DPP10: variants seen among roughly 807,000 people sequenced by gnomAD.
DPP10 encodes the protein inactive dipeptidyl peptidase 10.
A neutral mutation model predicts 120.9 loss-of-function variants in DPP10; 33 were observed. That is an observed-to-expected ratio of 0.27 (90% CI 0.21 to 0.37). The LOEUF (loss-of-function observed/expected upper bound fraction) is 0.37, where lower values mean the gene tolerates loss of function less well. Ranked by LOEUF, DPP10 falls within the 10% of genes least tolerant of loss-of-function variation. The pLI is 1.00. For missense variants in DPP10, 816 were observed against 942.8 expected (o/e 0.87, Z 1.76); for synonymous variants, 337 against 326.1 (o/e 1.03, Z -0.36).
chr2:115,789,024 A>G (rs1683652620), intron 17 of DPP10, among the ~76,000 whole-genome samples: 1 of 152,126 alleles, frequency 6.6e-6, no homozygotes, highest in African/African-American at 2.4e-5. Flanking sequence ...AGGCTGAGGC[A>G]GGAGAATGGC....
intron 2 of DPP10, among the ~76,000 whole-genome samples, chr2:115,336,563 C>A (rs573952596): frequency 2.6e-3 from 311 of 121,262 alleles, no homozygotes; most frequent in Non-Finnish European, 4.7e-3. Flanking sequence ...TGTGTACTCT[C>A]TCTCTCTCTC....
rs530009962 is a variant in DPP10, at chr2:114,997,781, G to T, written c.61-311458G>T. Reference sequence around the variant, plus strand: ...AGGGAAAGTGATATACTGGCTGAGTGTCCTTTATGCAAAACCCTTAGGACC... The same window carrying T: ...AGGGAAAGTGATATACTGGCTGAGTTTCCTTTATGCAAAACCCTTAGGACC... On this transcript the variant is annotated intron_variant, in intron 1 of 25. Coordinates refer to ENST00000410059, the MANE Select transcript of DPP10 (RefSeq NM_020868.6). Among the ~76,000 whole-genome samples, 58 of 152,272 alleles carry T rather than the reference G, an allele frequency of 3.8e-4. No individual in the cohort carries two copies. The South Asian group carries it at 1.0e-2, about 26-fold the overall frequency.
At chr2:115,124,327 C>T (rs532017073) in intron 1 of DPP10, among the ~76,000 whole-genome samples, 31 of 152,288 alleles carry the variant, frequency 2.0e-4, no homozygotes, top group Non-Finnish European at 3.8e-4. Flanking sequence ...CATAGCTCCA[C>T]GTGAGCATTC....
At chr2:114,608,234 A>T (rs1692981788) in intron 1 of DPP10, among the ~76,000 whole-genome samples, 1 of 132,486 alleles carries the variant, frequency 7.5e-6, no homozygotes, top group Admixed American at 8.1e-5. Flanking sequence ...GACTAACAGA[A>T]GATAACCAGG....
intron 4 of DPP10, among the ~76,000 whole-genome samples, chr2:115,521,639 CCTG>C (rs1336349366): frequency 6.6e-6 from 1 of 151,022 alleles, no homozygotes; most frequent in Non-Finnish European, 1.5e-5. Context: ...CACAATCTCC[CCTG>C]TACATGTCCC....
intron 1 of DPP10, among the ~76,000 whole-genome samples, chr2:115,257,375 T>C (rs1215680688): frequency 6.6e-6 from 1 of 152,148 alleles, no homozygotes; most frequent in African/African-American, 2.4e-5. Context: ...GCAGGTTGTA[T>C]AGGAGGCATG....
Position 115,129,090 on chromosome 2 carries a change from C to T in DPP10, c.61-180149C>T, listed in dbSNP as rs943899249. Among the ~76,000 whole-genome samples, 3 of 152,306 alleles carry T rather than the reference C, an allele frequency of 2.0e-5. No homozygotes were observed. In the East Asian group the frequency reaches 5.8e-4, roughly 29 times the overall value. ...TCTTCATGACACTCGGTCCTTGCTT[C>T]TCCTCTTCTGTCTGGACCAAATGAT... On this transcript the variant is annotated intron_variant, in intron 1 of 25. Transcript: ENST00000410059.
chr2:114,598,795 A>G (rs893021358), intron 1 of DPP10, among the ~76,000 whole-genome samples: 1 of 151,918 alleles, frequency 6.6e-6, no homozygotes, highest in African/African-American at 2.4e-5. Context: ...AGAATTTGGT[A>G]GAAGGAAGTG....
At chr2:115,626,368 A>C (rs1280166967) in intron 5 of DPP10, among the ~76,000 whole-genome samples, 1 of 152,082 alleles carries the variant, frequency 6.6e-6, no homozygotes, top group East Asian at 1.9e-4. Flanking sequence ...TTGTCAATTA[A>C]CGTACTAATT....
intron 1 of DPP10, among the ~76,000 whole-genome samples, chr2:114,731,311 AT>A: frequency 6.6e-6 from 1 of 151,918 alleles, no homozygotes; most frequent in East Asian, 1.9e-4. Context: ...GTCATGGGCA[AT>A]ATTTTGTCTT....
intron 1 of DPP10, among the ~76,000 whole-genome samples, chr2:114,790,598 C>A (rs769829711): frequency 1.0e-4 from 15 of 150,480 alleles, no homozygotes; most frequent in Non-Finnish European, 2.1e-4. Flanking sequence ...AAGGTGGGGC[C>A]GTTTTATAGG....
At chr2:114,651,149 C>A (rs1185425368) in intron 1 of DPP10, among the ~76,000 whole-genome samples, 1 of 152,166 alleles carries the variant, frequency 6.6e-6, no homozygotes, top group Non-Finnish European at 1.5e-5. Flanking sequence ...GCTTGTAGAG[C>A]AGCCCTCCCA....
intron 1 of DPP10, among the ~76,000 whole-genome samples, chr2:114,580,855 G>T (rs72951898): frequency 0.1 from 15,914 of 151,722 alleles, 2,332 homozygotes; most frequent in African/African-American, 0.32. Context: ...ATTCCTGTGC[G>T]CTGTTCTTTC....
intron 5 of DPP10, among the ~76,000 whole-genome samples, chr2:115,618,889 A>G (rs2084725973): frequency 6.6e-6 from 1 of 151,308 alleles, no homozygotes; most frequent in Non-Finnish European, 1.5e-5. Flanking sequence ...GATTTCTTAT[A>G]ATTTTCTACT....
chr2:114,992,980 G>C (rs887306564), intron 1 of DPP10, among the ~76,000 whole-genome samples: 1 of 152,086 alleles, frequency 6.6e-6, no homozygotes, highest in Admixed American at 6.6e-5. Flanking sequence ...TTTCCTCATG[G>C]TCACTATTCC....
At chr2:115,407,442 G>A (rs2068599035) in intron 3 of DPP10, among the ~76,000 whole-genome samples, 1 of 152,170 alleles carries the variant, frequency 6.6e-6, no homozygotes, top group South Asian at 2.1e-4. Context: ...TTGGGGAAAT[G>A]GCAGTCAGAT....
At chr2:114,844,380 A>C (rs1385907564) in intron 1 of DPP10, among the ~76,000 whole-genome samples, 3 of 151,608 alleles carry the variant, frequency 2.0e-5, no homozygotes, top group African/African-American at 7.3e-5. Flanking sequence ...TACTTTTTTC[A>C]CTAAACCAAG....
chr2:115,492,220 A>T (rs946890848), intron 3 of DPP10, among the ~76,000 whole-genome samples: 1 of 152,198 alleles, frequency 6.6e-6, no homozygotes, highest in African/African-American at 2.4e-5. Flanking sequence ...CTCACCAAAA[A>T]TTCCACCAAA....
intron 3 of DPP10, among the ~76,000 whole-genome samples, chr2:115,350,816 TAC>T (rs2063977321): frequency 6.6e-6 from 1 of 152,088 alleles, no homozygotes; most frequent in East Asian, 1.9e-4. Context: ...TTATCTATAT[TAC>T]AAACCTAAAT....
Sources: gnomAD v4.1 joint callset for allele counts (sites outside exome capture counted in the v4.1 genomes callset) on GRCh38, gnomAD v4.1.1 for gene constraint, MANE v1.5 for transcripts, NCBI Gene and HGNC (gene_info 2026-07-23, HGNC 2026-07-21) for gene names.